The following FPGT variants were observed in gnomAD, a reference collection of about 807,000 sequenced individuals.
FPGT encodes the protein fucose-1-phosphate guanylyltransferase.
FPGT carries 41 observed loss-of-function variants against 45.8 expected under a neutral mutation model. That is an observed-to-expected ratio of 0.90 (90% confidence interval 0.70 to 1.16). The LOEUF (loss-of-function observed/expected upper bound fraction) is 1.16. Ranked by LOEUF, FPGT falls within the 50% of genes most tolerant of loss-of-function variation. The pLI, the probability that FPGT is intolerant of heterozygous loss-of-function variation, is 0.00. For missense variants in FPGT, 755 were observed against 689.1 expected (o/e 1.10, Z -1.07); for synonymous variants, 292 against 247.2 (o/e 1.18, Z -1.70).
chr1:74,202,910 C>A (rs1025559714), intron 3 of FPGT, among the ~76,000 whole-genome samples: 2 of 152,128 alleles, frequency 1.3e-5, no homozygotes, highest in African/African-American at 4.8e-5. Context: ...AGTATCACTA[C>A]CTCTATAGTC....
At chr1:74,201,900 C>G (rs2100770820) in intron 3 of FPGT, among the ~76,000 whole-genome samples, 1 of 152,170 alleles carries the variant, frequency 6.6e-6, no homozygotes, top group East Asian at 1.9e-4. Context: ...AACACTCTTT[C>G]TCCCTTAATG....
Position 74,201,310 on chromosome 1 carries a change from T to G in FPGT, c.251-8T>G, listed in dbSNP as rs200149034. 6.2e-7 allele frequency: 1 copy of G among 1,605,176 alleles called. No individual in the cohort carries two copies. Among genetic ancestry groups the G allele is most frequent in the East Asian group, 2.2e-5 (1 of 44,640 alleles). On this transcript the variant is annotated splice_region_variant and splice_polypyrimidine_tract_variant and intron_variant, in intron 2 of 3. Coordinates refer to ENST00000370898, the MANE Select transcript of FPGT (RefSeq NM_003838.5). Reference sequence around the variant, plus strand: ...AATAAATTGTGCTTTTTTAACTTTGTTTTTAAGGAAATGGAGGATCAACAC... The same window carrying G: ...AATAAATTGTGCTTTTTTAACTTTGGTTTTAAGGAAATGGAGGATCAACAC...
rs76672163 is a variant in FPGT at position 74,198,247 on chromosome 1, C to T, written c.-32C>T. ...AGGCGCACCCCAGGGCGCATGCGTGCTGTGCGGCGCGGTCTCAGGGAAGGT... is the reference window on the plus strand; with the variant it reads ...AGGCGCACCCCAGGGCGCATGCGTGTTGTGCGGCGCGGTCTCAGGGAAGGT... On this transcript the variant is annotated 5_prime_UTR_variant, in exon 1 of 4. Transcript: ENST00000370898. 1.1e-4 allele frequency: 185 copies of T among 1,609,582 alleles called. No individual in the cohort carries two copies. In the African/African-American group the frequency reaches 1.9e-3, roughly 17 times the overall value.
Position 74,205,665 on chromosome 1 carries a change from A to G in FPGT, c.1618A>G (p.Thr540Ala). 6.2e-7 allele frequency: 1 copy of G among 1,612,024 alleles called. No homozygotes were observed. The highest frequency in any genetic ancestry group is 1.1e-5 in the South Asian group (1 of 91,046). The stretch of plus-strand genomic sequence containing the variant: ...TTCTTCTTTGAGTGACTCAGTTATA[A>G]CATCCCTAAAGATGTTAAATGCTGT... Reference protein sequence around the residue: ...VCSSLSDSVITSLKMLNAVKN... With the variant: ...VCSSLSDSVIASLKMLNAVKN... The change falls in exon 4 of 4, where the codon ACA becomes GCA. Residue 540 changes from threonine (T) to alanine (A), a missense_variant. Coordinates refer to ENST00000370898, the MANE Select transcript of FPGT (RefSeq NM_003838.5).
chr1:74,203,433 G>C (rs1421061504), intron 3 of FPGT, among the ~76,000 whole-genome samples: 2 of 151,362 alleles, frequency 1.3e-5, no homozygotes, highest in Non-Finnish European at 2.9e-5. Context: ...CTGTCGCCCA[G>C]GCTGGAGTGC....
Position 74,207,212 on chromosome 1 carries a change from AC to A in FPGT, c.*1381del, listed in dbSNP as rs1652350498. The A allele has an allele frequency of 6.6e-6, 1 of 152,132 alleles. No homozygotes were observed. Among genetic ancestry groups the A allele is most frequent in the Non-Finnish European group, 1.5e-5 (1 of 67,986 alleles). 9.4% of individuals were successfully genotyped at this position (152,132 alleles called of 1,614,324 possible). On this transcript the variant is annotated 3_prime_UTR_variant, in exon 4 of 4. Coordinates refer to ENST00000370898, the MANE Select transcript of FPGT (RefSeq NM_003838.5). The stretch of plus-strand genomic sequence containing the variant: ...GTTCCATTAAGAAAAACACAATAAA[AC>A]ATGACACTGCTTTTTTTGTTACTTG...
At chr1:74,200,497 CTTTTTTTTTTTTTT>C (rs202228945) in intron 2 of FPGT, among the ~76,000 whole-genome samples, 58,631 of 112,178 alleles carry the variant, frequency 0.52, 13,931 homozygotes, top group East Asian at 0.78. Flanking sequence ...GTTATTATTT[CTTTTTTTTTTTTTT>C]TTTTTTTTTT....
intron 1 of FPGT, among the ~76,000 whole-genome samples, chr1:74,198,764 A>T (rs1012932432): frequency 6.6e-6 from 1 of 152,180 alleles, no homozygotes; most frequent in Non-Finnish European, 1.5e-5. Context: ...CTACTTCTGT[A>T]ATGTAACCGT....
In FPGT at chr1:74,198,277, C is replaced by T. The variant is rs773346127; in HGVS notation, c.-2C>T. On this transcript the variant is annotated 5_prime_UTR_variant, in exon 1 of 4. Coordinates refer to ENST00000370898, the MANE Select transcript of FPGT (RefSeq NM_003838.5). ...CGGCGCGGTCTCAGGGAAGGTGGGG[C>T]TATGGCAGCTGCTAGGGACCCTCCG... The T allele has an allele frequency of 1.6e-5, 26 of 1,613,852 alleles. No individual in the cohort carries two copies. In the East Asian group the frequency reaches 5.6e-4, roughly 35 times the overall value.
chr1:74,204,000 C>T (rs1035361879), intron 3 of FPGT, among the ~76,000 whole-genome samples: 2 of 151,006 alleles, frequency 1.3e-5, no homozygotes, highest in African/African-American at 2.4e-5. Context: ...CAAGATCGCA[C>T]GTCACTGCAC....
chr1:74,199,719 T>G lies in FPGT; in HGVS notation c.138T>G (p.Asp46Glu). The change falls in exon 2 of 4, where the codon GAT becomes GAG. Residue 46 changes from aspartate (D) to glutamate (E), a missense_variant. Asp to Glu is a conservative substitution (Grantham distance 45). Transcript: ENST00000370898. ...FWDIVAITAADEKQELAYNQQ... is the reference protein window; with the variant it reads ...FWDIVAITAAEEKQELAYNQQ... ...ACATAGTTGCAATAACAGCGGCTGA[T>G]GAAAAACAGGAACTTGCTTACAACC... 1 of 1,614,036 alleles carries G rather than the reference T, an allele frequency of 6.2e-7. No homozygotes were observed. The highest frequency in any genetic ancestry group is 1.3e-5 in the African/African-American group (1 of 75,016).
At chr1:74,198,451 T>G in intron 1 of FPGT, 91 bp downstream of exon 1, 1 of 1,551,562 alleles carries the variant, frequency 6.4e-7, no homozygotes, top group Non-Finnish European at 8.7e-7. Context: ...CACTTCCCGT[T>G]TACTTCTCAT....
chr1:74,203,185 C>A (rs1467572553), intron 3 of FPGT, among the ~76,000 whole-genome samples: 1 of 152,048 alleles, frequency 6.6e-6, no homozygotes, highest in Non-Finnish European at 1.5e-5. Context: ...TTTGTTTATA[C>A]CAGCATCACC....
Position 74,205,207 on chromosome 1 carries a change from G to A in FPGT, c.1160G>A (p.Ser387Asn), listed in dbSNP as rs185783642. The A allele has an allele frequency of 2.5e-4, 409 of 1,613,932 alleles. No individual in the cohort carries two copies. Among genetic ancestry groups the A allele is most frequent in the Non-Finnish European group, 3.3e-4 (389 of 1,179,902 alleles). Reference sequence around the variant, plus strand: ...CTCGGCTTACAGTCCATAACTTTTAGTATCTTTCCAGATATACCAGAATGC... The same window carrying A: ...CTCGGCTTACAGTCCATAACTTTTAATATCTTTCCAGATATACCAGAATGC... The part of the protein sequence containing the change: ...SELGLQSITF[S>N]IFPDIPECSG... Residue 387 changes from serine (S) to asparagine (N), a missense_variant, in exon 4 of 4, where the codon AGT (serine) becomes AAT (asparagine). By Grantham distance (46) the Ser-to-Asn change is conservative (BLOSUM62 1). Coordinates refer to ENST00000370898, the MANE Select transcript of FPGT (RefSeq NM_003838.5).
In FPGT at chr1:74,205,647, T is replaced by C. The variant is rs779094163; in HGVS notation, c.1600T>C (p.Leu534=). 1 of 1,612,168 alleles carries C rather than the reference T, an allele frequency of 6.2e-7. No homozygotes were observed. Among genetic ancestry groups the C allele is most frequent in the Non-Finnish European group, 8.5e-7 (1 of 1,178,216 alleles). ...ACGCATTTTCCCAGTTTGTTCTTCT[T>C]TGAGTGACTCAGTTATAACATCCCT... ...TARIFPVCSS[L]SDSVITSLKM... is the part of the protein sequence containing the mutation. Residue 534 remains leucine, a synonymous_variant, in exon 4 of 4, where the codon TTG becomes CTG. Coordinates refer to ENST00000370898, the MANE Select transcript of FPGT (RefSeq NM_003838.5).
Position 74,198,258 on chromosome 1 carries a change from G to C in FPGT, c.-21G>C. 1 of 1,612,120 alleles carries C rather than the reference G, an allele frequency of 6.2e-7. No homozygotes were observed. The highest frequency in any genetic ancestry group is 8.5e-7 in the Non-Finnish European group (1 of 1,179,002). On this transcript the variant is annotated 5_prime_UTR_variant, in exon 1 of 4. Coordinates refer to ENST00000370898, the MANE Select transcript of FPGT (RefSeq NM_003838.5). ...AGGGCGCATGCGTGCTGTGCGGCGC[G>C]GTCTCAGGGAAGGTGGGGCTATGGC...
rs1391161026 is a variant in FPGT, at chr1:74,207,605, G to C, written c.*1773G>C. ...TCAGTTTAATCACAGGTCCTTAGAA[G>C]ATCGGACCTGTGATTCTATTCAAAG... On this transcript the variant is annotated 3_prime_UTR_variant, in exon 4 of 4. Coordinates refer to ENST00000370898, the MANE Select transcript of FPGT (RefSeq NM_003838.5). 2.0e-5 allele frequency among the ~76,000 whole-genome samples: 3 copies of C among 151,958 alleles called. No individual in the cohort carries two copies. Among genetic ancestry groups the C allele is most frequent in the Admixed American group, 1.3e-4 (2 of 15,250 alleles).
In FPGT at chr1:74,207,306, GCATATA is replaced by G. The variant is rs1652356550; in HGVS notation, c.*1481_*1486del. 6.6e-6 allele frequency: 1 copy of G among 151,792 alleles called. No individual in the cohort carries two copies. Among genetic ancestry groups the G allele is most frequent in the South Asian group, 2.1e-4 (1 of 4,818 alleles). 9.4% of individuals were successfully genotyped at this position (151,792 alleles called of 1,614,324 possible). ...ATACAGATTTTTATTTAACCCTCTTGCATATACATATAAAATAACAAAAAAATAAAA... is the reference window on the plus strand; with the variant it reads ...ATACAGATTTTTATTTAACCCTCTTGCATATAAAATAACAAAAAAATAAAA... On this transcript the variant is annotated 3_prime_UTR_variant, in exon 4 of 4. Transcript: ENST00000370898.
rs573630971 is a variant in FPGT, at chr1:74,199,902, G to A, written c.250+71G>A. 4.1e-5 allele frequency: 62 copies of A among 1,525,526 alleles called. 1 individual carries two copies. The highest frequency in any genetic ancestry group is 5.3e-5 in the Non-Finnish European group (60 of 1,129,054). The allele number at this position is 1,525,526 out of a possible 1,614,324, so 94.5% of individuals were successfully genotyped here. On this transcript the variant is annotated intron_variant, in intron 2 of 3. Coordinates refer to ENST00000370898, the MANE Select transcript of FPGT (RefSeq NM_003838.5). Reference sequence around the variant, plus strand: ...TAATCATTGAAGAAAAGGTTTCTGTGACTTACAGTGTATAAGCTGCATATC... The same window carrying A: ...TAATCATTGAAGAAAAGGTTTCTGTAACTTACAGTGTATAAGCTGCATATC...
Sources: allele counts gnomAD v4.1 joint callset (sites outside exome capture counted in the v4.1 genomes callset), GRCh38; gene constraint gnomAD v4.1.1; transcripts MANE v1.5; gene names NCBI Gene and HGNC (gene_info 2026-07-23, HGNC 2026-07-21).